GPN1: variants seen among roughly 807,000 people sequenced by gnomAD.
The protein encoded by GPN1 is GPN-loop GTPase 1.
GPN1 carries 44 observed loss-of-function variants against 55.9 expected under a neutral mutation model. The ratio of observed to expected loss-of-function variants is 0.79; its 90% CI spans 0.62 to 1.01. GPN1 has a LOEUF of 1.01. Ranked by LOEUF, GPN1 falls within the 50% of genes least tolerant of loss-of-function variation. GPN1 has a pLI of 0.00. For synonymous variants in GPN1, 179 were observed against 162.5 expected, an observed-to-expected ratio of 1.10 and a Z score of -0.77; for missense variants, 466 against 462.8, an observed-to-expected ratio of 1.01 and a Z score of -0.06.
At chr2:27,648,783 A>G (rs759984697) in intron 13 of GPN1, among the ~76,000 whole-genome samples, 31 of 152,116 alleles carry the variant, frequency 2.0e-4, no homozygotes, top group Middle Eastern at 3.2e-3. Context: ...CCACAGGCAC[A>G]TGCCATCACA....
chr2:27,647,767 CAT>C, intron 12 of GPN1, 67 bp from the exon 13 acceptor site: 1 of 877,012 alleles, frequency 1.1e-6, no homozygotes, highest in Non-Finnish European at 1.9e-6. Flanking sequence ...AGTTTATGAT[CAT>C]AGTTACTTAG....
At chr2:27,648,249 G>A (rs1674340433) in intron 13 of GPN1, among the ~76,000 whole-genome samples, 1 of 152,142 alleles carries the variant, frequency 6.6e-6, no homozygotes. Flanking sequence ...GCTGGGTGTG[G>A]TGGCTCATGC....
At chr2:27,628,286 T>G, upstream of GPN1, 3 of 1,048,216 alleles carry the variant, frequency 2.9e-6, no homozygotes, top group South Asian at 5.0e-5. Flanking sequence ...ACAGACTGGG[T>G]GGTCAGGAGT....
intron 11 of GPN1, among the ~76,000 whole-genome samples, chr2:27,641,801 G>A (rs1484197640): frequency 1.3e-5 from 2 of 152,176 alleles, no homozygotes; most frequent in Non-Finnish European, 2.9e-5. Flanking sequence ...GTCTCACCGT[G>A]TTGCCCAGGC....
intron 12 of GPN1, among the ~76,000 whole-genome samples, chr2:27,646,346 C>A (rs1274617565): frequency 6.6e-6 from 1 of 152,160 alleles, no homozygotes; most frequent in East Asian, 1.9e-4. Flanking sequence ...CCAGCCCCAG[C>A]TTGAAATTTA....
chr2:27,649,448 A>G (rs996392243), intron 13 of GPN1, among the ~76,000 whole-genome samples: 12 of 105,556 alleles, frequency 1.1e-4, no homozygotes, highest in African/African-American at 3.2e-4. Flanking sequence ...TTTAATAAAT[A>G]TATACTTTCT....
rs757661705 is a variant in GPN1, at chr2:27,641,315, C to T, written c.840+36C>T. On this transcript the variant is annotated intron_variant, in intron 11 of 13. Transcript: ENST00000610189. ...AGGCTGTTTGTATATTTTAAAAGGG[C>T]CATTAAAAAAACCCAGCTCAATCTT... 9.4e-6 allele frequency: 14 copies of T among 1,488,892 alleles called. No homozygotes were observed. In the South Asian group the frequency reaches 1.6e-4, roughly 17 times the overall value. 92.2% of individuals were successfully genotyped at this position (1,488,892 alleles called of 1,614,324 possible).
chr2:27,631,635 C>T (rs1673556580), intron 3 of GPN1, 199 bp from the exon 4 acceptor site: 3 of 594,270 alleles, frequency 5.0e-6, no homozygotes, highest in Non-Finnish European at 9.0e-6. Flanking sequence ...CTGACCACTC[C>T]TTAAATCAAA....
At chr2:27,629,829 C>T (rs1673463965) in intron 1 of GPN1, 30 bp from the exon 2 acceptor site, 2 of 1,235,500 alleles carry the variant, frequency 1.6e-6, no homozygotes, top group African/African-American at 1.5e-5. Flanking sequence ...CTCTTTGTCT[C>T]CTTCCAACCC....
chr2:27,631,780 A>G, intron 3 of GPN1, 54 bp from the exon 4 acceptor site: 3 of 1,003,300 alleles, frequency 3.0e-6, no homozygotes, highest in South Asian at 1.3e-5. Context: ...TAGCCTAGGT[A>G]TGAACTTTAT....
At chr2:27,630,863 T>G (rs145914985) in intron 2 of GPN1, among the ~76,000 whole-genome samples, 164 bp from the exon 3 acceptor site, 88 of 152,340 alleles carry the variant, frequency 5.8e-4, no homozygotes, top group Admixed American at 1.6e-3. Flanking sequence ...ACATTCTTCA[T>G]GATTTACTTG....
intron 2 of GPN1, among the ~76,000 whole-genome samples, chr2:27,630,386 GTTTTTTTTTTT>G (rs202052577): frequency 2.4e-5 from 2 of 82,506 alleles, no homozygotes; most frequent in Admixed American, 3.1e-4. Flanking sequence ...AACAGCTTAG[GTTTTTTTTTTT>G]TTTTTTTTTT....
intron 7 of GPN1, among the ~76,000 whole-genome samples, chr2:27,636,847 A>T (rs2148069415): frequency 6.6e-6 from 1 of 152,240 alleles, no homozygotes; most frequent in East Asian, 1.9e-4. Context: ...TTTTTAAAAA[A>T]ATTAATTAAT....
In GPN1 at chr2:27,631,762, G is replaced by A. The variant is rs13400296; in HGVS notation, c.246-72G>A. On this transcript the variant is annotated intron_variant, in intron 3 of 13. Coordinates refer to ENST00000610189, the MANE Select transcript of GPN1 (RefSeq NM_007266.4). ...ACACTAATTTCATAATGCCGTTTGT[G>A]TGAATGATAGCCTAGGTATGAACTT... 4,806 of 885,588 alleles carry A rather than the reference G, an allele frequency of 5.4e-3. 153 individuals are homozygous for A. The African/African-American group carries it at 0.066, about 12-fold the overall frequency. The allele number at this position is 885,588 out of a possible 1,614,324, so 54.9% of individuals were successfully genotyped here. A position where few individuals can be genotyped will look rare whatever the true frequency, so the allele number is the denominator to read the frequency against.
intron 1 of GPN1, 62 bp downstream of exon 1, chr2:27,629,231 G>A (rs759956241): frequency 1.3e-4 from 197 of 1,564,196 alleles, no homozygotes; most frequent in Non-Finnish European, 1.6e-4. Context: ...CAGGCGGAAG[G>A]CCAGGAAGAA....
intron 12 of GPN1, among the ~76,000 whole-genome samples, chr2:27,646,956 A>C (rs1173462607): frequency 1.3e-5 from 2 of 152,238 alleles, no homozygotes; most frequent in Non-Finnish European, 2.9e-5. Context: ...GTCAATGTTA[A>C]AACTACTGCT....
intron 12 of GPN1, among the ~76,000 whole-genome samples, chr2:27,647,429 C>G (rs76083624): frequency 4.7e-4 from 72 of 152,298 alleles, no homozygotes; most frequent in African/African-American, 1.7e-3. Flanking sequence ...TCTGAACTTA[C>G]ATTTCCACCA....
Position 27,629,111 on chromosome 2 carries a change from A to G in GPN1, c.53A>G (p.His18Arg), listed in dbSNP as rs537596607. The change falls in exon 1 of 14, where the codon CAC becomes CGC. Residue 18 changes from histidine to arginine, a missense_variant. Physicochemically the swap from His to Arg is conservative, Grantham distance 29. Coordinates refer to ENST00000610189, the MANE Select transcript of GPN1 (RefSeq NM_007266.4). ...CTCCAGGCTTCTGGGGGTCCGCGGC[A>G]CCCAGTGTGTCTGTTGGTGTTGGGA... ...AELQASGGPRHPVCLLVLGMA... is the reference protein window; with the variant it reads ...AELQASGGPRRPVCLLVLGMA... 2.5e-6 allele frequency: 4 copies of G among 1,614,154 alleles called. No homozygotes were observed. The East Asian group carries it at 6.7e-5, about 27-fold the overall frequency.
intron 4 of GPN1, 152 bp from the exon 5 acceptor site, chr2:27,632,481 T>G (rs1673592641): frequency 1.5e-6 from 1 of 667,980 alleles, no homozygotes; most frequent in African/African-American, 1.8e-5. Flanking sequence ...TTCAGCCTGT[T>G]TATTCTTTGT....
Sources: gnomAD v4.1 joint callset for allele counts (sites outside exome capture counted in the v4.1 genomes callset) on GRCh38, gnomAD v4.1.1 for gene constraint, MANE v1.5 for transcripts, NCBI Gene and HGNC (gene_info 2026-07-23, HGNC 2026-07-21) for gene names.